NHSL1: variants seen among roughly 807,000 people sequenced by gnomAD.
The protein encoded by NHSL1 is NHS like 1, also known as NHS-like protein 1.
Under a neutral mutation model 95.0 loss-of-function variants are expected in NHSL1, and 48 were observed. That is an observed-to-expected ratio of 0.51 (90% confidence interval 0.40 to 0.64). The LOEUF is 0.64. Ranked by LOEUF, NHSL1 falls within the 30% of genes least tolerant of loss-of-function variation. The pLI, the probability that NHSL1 is intolerant of heterozygous loss-of-function variation, is 0.00. For missense variants in NHSL1, 1,971 were observed against 2,077.7 expected (o/e 0.95, Z 1.00); for synonymous variants, 783 against 833.9 (o/e 0.94, Z 1.05).
intron 3 of NHSL1, among the ~76,000 whole-genome samples, chr6:138,459,904 C>A (rs906676507): frequency 1.3e-5 from 2 of 152,022 alleles, no homozygotes; most frequent in Admixed American, 6.6e-5. Flanking sequence ...TCGGAATAAA[C>A]CCAGGTTGAT....
chr6:138,448,368 T>G (rs1776999024), intron 3 of NHSL1, among the ~76,000 whole-genome samples: 1 of 152,234 alleles, frequency 6.6e-6, no homozygotes, highest in Admixed American at 6.5e-5. Context: ...TAATAACTGC[T>G]CTTTAAGTCC....
chr6:138,638,804 G>T (rs980421198), intron 1 of NHSL1, among the ~76,000 whole-genome samples: 1 of 152,130 alleles, frequency 6.6e-6, no homozygotes, highest in African/African-American at 2.4e-5. Context: ...GCATATTAAT[G>T]AGTAGGAGCA....
intron 1 of NHSL1, among the ~76,000 whole-genome samples, chr6:138,601,252 T>C (rs927964869): frequency 6.6e-6 from 1 of 152,198 alleles, no homozygotes; most frequent in African/African-American, 2.4e-5. Flanking sequence ...AATTCTGACA[T>C]AGCAACCATA....
intron 1 of NHSL1, among the ~76,000 whole-genome samples, chr6:138,635,911 C>T (rs999030643): frequency 6.9e-6 from 1 of 144,014 alleles, no homozygotes; most frequent in Admixed American, 7.1e-5. Context: ...ATCAGGAGCT[C>T]GAGACTAGCC....
In NHSL1 at chr6:138,465,268, C is replaced by T. The variant is rs571631388; in HGVS notation, c.339+8038G>A. The stretch of plus-strand genomic sequence containing the variant: ...CACAGGGAACAATCTTACTCCACTC[C>T]CCACTTTCTACATAAGGAAATTAAT... On this transcript the variant is annotated intron_variant, in intron 3 of 7. Transcript: ENST00000343505. Among the ~76,000 whole-genome samples the T allele has an allele frequency of 9.3e-4, 141 of 152,168 alleles. 1 individual carries two copies. In the Middle Eastern group the frequency reaches 0.017, roughly 18 times the overall value.
At chr6:138,490,432 C>G (rs1342118549) in intron 2 of NHSL1, among the ~76,000 whole-genome samples, 1 of 152,136 alleles carries the variant, frequency 6.6e-6, no homozygotes, top group African/African-American at 2.4e-5. Flanking sequence ...ATAAATAAGA[C>G]AGACAAGCAC....
intron 2 of NHSL1, among the ~76,000 whole-genome samples, chr6:138,495,309 A>G (rs1780286358): frequency 6.6e-6 from 1 of 152,170 alleles, no homozygotes; most frequent in Admixed American, 6.5e-5. Flanking sequence ...ATAGGAATAC[A>G]TTCTTCCTAT....
chr6:138,639,864 C>G (rs1159511951), intron 1 of NHSL1, among the ~76,000 whole-genome samples: 5 of 124,318 alleles, frequency 4.0e-5, no homozygotes, highest in African/African-American at 8.9e-5. Context: ...CTCATTCTTA[C>G]AAACCATTTT....
chr6:138,621,330 GA>G (rs1275632551), intron 1 of NHSL1, among the ~76,000 whole-genome samples: 1 of 152,112 alleles, frequency 6.6e-6, no homozygotes, highest in East Asian at 1.9e-4. Flanking sequence ...ACCAAAGCAA[GA>G]AAAATGCAAA....
chr6:138,629,747 G>T (rs770877021), intron 1 of NHSL1, among the ~76,000 whole-genome samples: 19 of 152,286 alleles, frequency 1.2e-4, no homozygotes, highest in Non-Finnish European at 2.6e-4. Flanking sequence ...AGTTGTTGTG[G>T]CAATTGTTAC....
intron 1 of NHSL1, among the ~76,000 whole-genome samples, chr6:138,540,630 A>C (rs1347054697): frequency 6.6e-6 from 1 of 152,252 alleles, no homozygotes; most frequent in Non-Finnish European, 1.5e-5. Context: ...ACGATGACGA[A>C]GGATAGAGTT....
rs534684892 is a variant in NHSL1 at position 138,689,045 on chromosome 6, C to T, written c.96+3431G>A. On this transcript the variant is annotated intron_variant, in intron 1 of 3. Coordinates refer to the NHSL1 transcript ENST00000491526. The stretch of plus-strand genomic sequence containing the variant: ...TATTGGCCAGGCTAGTCTTGAGCTC[C>T]TGGCCTCAACTGATCCACCTGCCTC... 6.8e-4 allele frequency among the ~76,000 whole-genome samples: 103 copies of T among 152,306 alleles called. 1 individual carries two copies. The South Asian group carries it at 0.021, about 31-fold the overall frequency.
intron 2 of NHSL1, among the ~76,000 whole-genome samples, chr6:138,483,374 T>C (rs1368364071): frequency 1.3e-5 from 2 of 152,222 alleles, no homozygotes; most frequent in Non-Finnish European, 2.9e-5. Context: ...ATTTAGCTGA[T>C]ATGGTACAGA....
intron 1 of NHSL1, among the ~76,000 whole-genome samples, chr6:138,591,040 CCTCCT>C (rs1446514445): frequency 6.6e-6 from 1 of 152,128 alleles, no homozygotes; most frequent in Non-Finnish European, 1.5e-5. Context: ...CTGGGAATCG[CCTCCT>C]CTCAAGAAAA....
intron 5 of NHSL1, among the ~76,000 whole-genome samples, chr6:138,438,996 C>T (rs1213398257): frequency 6.6e-6 from 1 of 152,048 alleles, no homozygotes; most frequent in Non-Finnish European, 1.5e-5. Context: ...TTCAAAATGT[C>T]CAATTCACTG....
At chr6:138,452,553 C>G (rs1315705790) in intron 3 of NHSL1, among the ~76,000 whole-genome samples, 2 of 152,186 alleles carry the variant, frequency 1.3e-5, no homozygotes, top group African/African-American at 4.8e-5. Flanking sequence ...ACAGATGAAA[C>G]TATATAGAAC....
chr6:138,673,922 T>C (rs1232015583), intron 1 of NHSL1, among the ~76,000 whole-genome samples: 1 of 152,242 alleles, frequency 6.6e-6, no homozygotes, highest in African/African-American at 2.4e-5. Context: ...ATGGTCAGCA[T>C]GCTGTTTGTT....
At chr6:138,581,732 G>A (rs7751302) in intron 1 of NHSL1, among the ~76,000 whole-genome samples, 46,150 of 145,174 alleles carry the variant, frequency 0.32, 10,798 homozygotes, top group African/African-American at 0.67. Context: ...AGGAAAAAAA[G>A]TCAAAGCAGG....
intron 3 of NHSL1, 38 bp from the exon 4 acceptor site, chr6:138,447,231 A>G: frequency 2.1e-6 from 3 of 1,453,072 alleles, no homozygotes; most frequent in Non-Finnish European, 1.9e-6. Context: ...CAGTGTATAA[A>G]GAGCTGGCAG....
Sources: allele counts gnomAD v4.1 joint callset (sites outside exome capture counted in the v4.1 genomes callset), GRCh38; gene constraint gnomAD v4.1.1; transcripts MANE v1.5; gene names NCBI Gene and HGNC (gene_info 2026-07-23, HGNC 2026-07-21).